The following MIIP variants were observed in gnomAD, a reference collection of about 807,000 sequenced individuals.
MIIP encodes migration and invasion inhibitory protein, also known as migration and invasion-inhibitory protein.
Under a neutral mutation model 44.8 loss-of-function variants are expected in MIIP, and 44 were observed. The ratio of observed to expected loss-of-function variants is 0.98; its 90% CI spans 0.77 to 1.26. MIIP has a LOEUF of 1.26. Among genes scored for constraint, MIIP ranks in the 50% most tolerant of loss-of-function variants. The pLI is 0.00. For synonymous variants in MIIP, 225 were observed against 218.3 expected (o/e 1.03, Z -0.27); for missense variants, 496 against 511.7 (o/e 0.97, Z 0.30).
At chr1:12,030,840 CT>C (rs1640226994) in intron 8 of MIIP, among the ~76,000 whole-genome samples, 1 of 151,970 alleles carries the variant, frequency 6.6e-6, no homozygotes, top group Non-Finnish European at 1.5e-5. Flanking sequence ...GCAACTCCCC[CT>C]GACTCCTAAA....
chr1:12,030,556 CTT>C (rs71568383), intron 8 of MIIP, among the ~76,000 whole-genome samples: 1 of 59,070 alleles, frequency 1.7e-5, no homozygotes, highest in Non-Finnish European at 3.1e-5. Context: ...GCTGCTGCTG[CTT>C]TTTTTTTTTT....
chr1:12,022,719 G>C (rs764256927), intron 3 of MIIP, 114 bp from the exon 4 acceptor site: 4 of 846,884 alleles, frequency 4.7e-6, no homozygotes, highest in African/African-American at 3.4e-5. Context: ...GCTGAGCCCT[G>C]GGCTGCAAGT....
rs80150922 is a variant in MIIP, at chr1:12,029,817, C to T, written c.768C>T (p.Pro256=). The change falls in exon 7 of 10, where the codon CCC becomes CCT. Residue 256 remains proline, a synonymous_variant. Transcript: ENST00000235332. ...NRRLFPVPVD[P]GTPCRLCRTP... ...GCCTGTTCCCGGTGCCTGTGGATCC[C>T]GGTACCCCCTGCCGCCTGTGCAGGA... is the stretch of plus-strand genomic sequence containing the variant. 3,354 of 1,613,216 alleles carry T rather than the reference C, an allele frequency of 2.1e-3. 33 individuals are homozygous for T. The African/African-American group carries it at 0.022, about 11-fold the overall frequency.
intron 4 of MIIP, among the ~76,000 whole-genome samples, chr1:12,026,060 T>C (rs1317656829): frequency 1.3e-5 from 2 of 151,354 alleles, no homozygotes; most frequent in Non-Finnish European, 2.9e-5. Context: ...ATCCCAGCAA[T>C]TTGGGAGGCC....
chr1:12,020,989 G>GTTT (rs1553148044), intron 1 of MIIP, among the ~76,000 whole-genome samples: 1 of 151,712 alleles, frequency 6.6e-6, no homozygotes, highest in Non-Finnish European at 1.5e-5. Flanking sequence ...CCTGTTTTTT[G>GTTT]TTTTTTTTAC....
At position 12,031,897 on chromosome 1, in the gene MIIP, G is replaced by A. The variant is rs148087887; in HGVS notation, c.*89G>A. 6.0e-4 allele frequency: 794 copies of A among 1,320,878 alleles called. 3 individuals are homozygous for A. In the East Asian group the frequency reaches 0.012, roughly 20 times the overall value. The allele number at this position is 1,320,878 out of a possible 1,614,324, so 81.8% of individuals were successfully genotyped here. A position where few individuals can be genotyped will look rare whatever the true frequency, so the allele number is the denominator to read the frequency against. ...ACCCAGGAGATGGAATCCCCTGCCCGCCCAGCTCAGGCCCAGCTGTCCTAG... is the reference window on the plus strand; with the variant it reads ...ACCCAGGAGATGGAATCCCCTGCCCACCCAGCTCAGGCCCAGCTGTCCTAG... On this transcript the variant is annotated 3_prime_UTR_variant, in exon 10 of 10. Transcript: ENST00000235332.
At position 12,028,804 on chromosome 1, in the gene MIIP, C is replaced by T. The variant is rs974836611; in HGVS notation, c.548-229C>T. On this transcript the variant is annotated intron_variant, in intron 4 of 9. Coordinates refer to ENST00000235332, the MANE Select transcript of MIIP (RefSeq NM_021933.4). ...TCTAGCCCTGTCATAAGGGCTCTGT[C>T]GATATTTTTTCCATGGATGGTTGGC... 1.4e-4 allele frequency: 79 copies of T among 561,090 alleles called. No homozygotes were observed. The East Asian group carries it at 1.5e-3, about 10-fold the overall frequency. The allele number at this position is 561,090 out of a possible 1,614,324, so 34.8% of individuals were successfully genotyped here.
At chr1:12,026,480 C>T (rs1286520988) in intron 4 of MIIP, among the ~76,000 whole-genome samples, 1 of 152,190 alleles carries the variant, frequency 6.6e-6, no homozygotes, top group Non-Finnish European at 1.5e-5. Flanking sequence ...GCTCCCCTGC[C>T]TTTGCCGAGG....
chr1:12,021,964 G>A, intron 2 of MIIP, 124 bp downstream of exon 2: 7 of 1,258,742 alleles, frequency 5.6e-6, no homozygotes, highest in Non-Finnish European at 7.8e-6. Flanking sequence ...TGAGGGCTGG[G>A]GAGGGAAGAG....
At position 12,022,442 on chromosome 1, in the gene MIIP, G is replaced by A. The variant is rs1198738649; in HGVS notation, c.462G>A (p.Lys154=). ...TGGCTCAACAGAGCAAGCTGTCCAA[G>A]GTAACGTGGGAGAGCGGGACATCTG... ...SILAQQSKLS[K]PRVTFSEESA... is the part of the protein sequence containing the mutation. Residue 154 remains lysine, a splice_region_variant and synonymous_variant, in exon 3 of 10, where the codon AAG becomes AAA. Coordinates refer to ENST00000235332, the MANE Select transcript of MIIP (RefSeq NM_021933.4). 3.9e-6 allele frequency: 6 copies of A among 1,538,202 alleles called. No homozygotes were observed. In the South Asian group the frequency reaches 7.4e-5, roughly 19 times the overall value.
At chr1:12,022,000 G>T in intron 2 of MIIP, 95 bp from the exon 3 acceptor site, 4 of 1,407,726 alleles carry the variant, frequency 2.8e-6, no homozygotes, top group Non-Finnish European at 3.9e-6. Context: ...TGCTGAGGCC[G>T]GAGCAGGATG....
chr1:12,031,843 G>A lies in MIIP; in HGVS notation c.*35G>A, dbSNP rs112313701. 1.4e-5 allele frequency: 23 copies of A among 1,587,022 alleles called. No homozygotes were observed. The highest frequency in any genetic ancestry group is 1.6e-5 in the Non-Finnish European group (19 of 1,158,048). ...CCTGGGGGAGAACAGCATTCCCGCC[G>A]CCTCCAGCCTCTCCCCTCTGGCAGG... On this transcript the variant is annotated 3_prime_UTR_variant, in exon 10 of 10. Coordinates refer to ENST00000235332, the MANE Select transcript of MIIP (RefSeq NM_021933.4).
In MIIP at chr1:12,030,081, G is replaced by A. The variant is rs770415291; in HGVS notation, c.899G>A (p.Arg300Gln). Residue 300 changes from arginine to glutamine, a missense_variant, in exon 8 of 10, where the codon CGG becomes CAG. Physicochemically the swap from Arg to Gln is conservative, Grantham distance 43. Coordinates refer to ENST00000235332, the MANE Select transcript of MIIP (RefSeq NM_021933.4). Reference protein sequence around the residue: ...LEPPHRYHIHRRKSFDASDTL... With the variant: ...LEPPHRYHIHQRKSFDASDTL... ...CCCCCGCACCGGTACCACATCCACC[G>A]GCGAAAGAGCTTTGACGCCTCTGAC... 60 of 1,613,300 alleles carry A rather than the reference G, an allele frequency of 3.7e-5. No homozygotes were observed. The highest frequency in any genetic ancestry group is 6.7e-5 in the African/African-American group (5 of 74,922).
chr1:12,026,917 T>C (rs946435934), intron 4 of MIIP, among the ~76,000 whole-genome samples: 2 of 152,210 alleles, frequency 1.3e-5, no homozygotes, highest in South Asian at 2.1e-4. Context: ...AGTGACTGCC[T>C]GTTTTCTCGA....
chr1:12,027,907 A>G (rs1406121892), intron 4 of MIIP, among the ~76,000 whole-genome samples: 1 of 152,162 alleles, frequency 6.6e-6, no homozygotes, highest in Non-Finnish European at 1.5e-5. Context: ...GATACACCCA[A>G]CATAAGTTGA....
intron 4 of MIIP, among the ~76,000 whole-genome samples, chr1:12,025,129 G>A (rs915183900): frequency 4.8e-5 from 7 of 147,244 alleles, no homozygotes; most frequent in Admixed American, 2.7e-4. Context: ...GTGTGATCTC[G>A]GCTCACTGCA....
chr1:12,029,190 C>G, intron 5 of MIIP, 33 bp from the exon 6 acceptor site: 1 of 1,613,144 alleles, frequency 6.2e-7, no homozygotes, highest in Non-Finnish European at 8.5e-7. Flanking sequence ...GCGGCTCCAT[C>G]CCCCGGCCTG....
At chr1:12,025,217 A>C (rs1640080155) in intron 4 of MIIP, among the ~76,000 whole-genome samples, 1 of 150,752 alleles carries the variant, frequency 6.6e-6, no homozygotes, top group Admixed American at 6.6e-5. Flanking sequence ...GCGCCACCAC[A>C]CCCAGCTAAT....
intron 4 of MIIP, among the ~76,000 whole-genome samples, chr1:12,026,847 C>T (rs762216836): frequency 2.6e-5 from 4 of 152,152 alleles, no homozygotes; most frequent in Admixed American, 6.6e-5. Context: ...GGGGTAAAGC[C>T]GCTGTCTGTT....
Sources: allele counts gnomAD v4.1 joint callset (sites outside exome capture counted in the v4.1 genomes callset), GRCh38; gene constraint gnomAD v4.1.1; transcripts MANE v1.5; gene names NCBI Gene and HGNC (gene_info 2026-07-23, HGNC 2026-07-21).